CUX1: variants seen among roughly 807,000 people sequenced by gnomAD.
The protein encoded by CUX1 is cut like homeobox 1.
Under a neutral mutation model 158.8 loss-of-function variants are expected in CUX1, and 31 were observed. That is an observed-to-expected ratio of 0.20 (90% CI 0.15 to 0.26). CUX1 has a LOEUF of 0.26. Among genes scored for constraint, CUX1 ranks in the 10% least tolerant of loss-of-function variants. The pLI is 1.00. For missense variants in CUX1, 1,589 were observed against 2,014.6 expected, an observed-to-expected ratio of 0.79 and a Z score of 4.04; for synonymous variants, 879 against 862.1, an observed-to-expected ratio of 1.02 and a Z score of -0.34.
intron 1 of CUX1, among the ~76,000 whole-genome samples, chr7:101,864,900 G>A (rs1797790896): frequency 1.3e-5 from 2 of 152,068 alleles, no homozygotes; most frequent in Non-Finnish European, 2.9e-5. Flanking sequence ...TTTCAACTGG[G>A]GGTGCTTCAT....
intron 1 of CUX1, among the ~76,000 whole-genome samples, chr7:101,914,750 C>T (rs946640660): frequency 1.3e-5 from 2 of 152,182 alleles, no homozygotes; most frequent in East Asian, 1.9e-4. Context: ...CCACCCACCT[C>T]GGCCTCCCAA....
chr7:102,070,049 A>C (rs974086435), intron 3 of CUX1, among the ~76,000 whole-genome samples: 2 of 152,194 alleles, frequency 1.3e-5, no homozygotes, highest in East Asian at 3.8e-4. Flanking sequence ...CATTTGGAGA[A>C]GACAAAAGAC....
In CUX1 at chr7:102,256,201, G is replaced by A. The variant is rs1486623375; in HGVS notation, c.*7159G>A. 1.0e-6 allele frequency: 1 copy of A among 985,448 alleles called. No individual in the cohort carries two copies. The highest frequency in any genetic ancestry group is 1.1e-4 in the East Asian group (1 of 8,820). 61.0% of individuals were successfully genotyped at this position (985,448 alleles called of 1,614,324 possible). ...TCAGAAGCTGAGACCCTTCCCCAGT[G>A]TCTGAGGCCACAGCCATCCCTTCCA... On this transcript the variant is annotated 3_prime_UTR_variant, in exon 24 of 24. Transcript: ENST00000292535.
At position 101,914,671 on chromosome 7, in the gene CUX1, G is replaced by A. The variant is rs1563002632; in HGVS notation, c.31-1444G>A. On this transcript the variant is annotated intron_variant, in intron 1 of 23. Transcript: ENST00000292535. ...CCACCACCATGCCTGGCTAATTTTT[G>A]TATTTTTAGTACAGACAGGGTTTCT... 2.6e-5 allele frequency among the ~76,000 whole-genome samples: 4 copies of A among 151,802 alleles called. No individual in the cohort carries two copies. In the South Asian group the frequency reaches 8.3e-4, roughly 32 times the overall value.
intron 3 of CUX1, among the ~76,000 whole-genome samples, chr7:102,060,569 A>G (rs531831241): frequency 1.4e-3 from 203 of 143,712 alleles, no homozygotes; most frequent in African/African-American, 5.0e-3. Flanking sequence ...ATATACACAC[A>G]CACATATATA....
chr7:102,010,736 C>T lies in CUX1; in HGVS notation c.142-17362C>T, dbSNP rs558950982. On this transcript the variant is annotated intron_variant, in intron 2 of 23. Transcript: ENST00000292535. ...AGGAAACTCAGTGAAGGAGTTCTGCCGGCGGGCGTGAGGACCACGCTAAAA... is the reference window on the plus strand; with the variant it reads ...AGGAAACTCAGTGAAGGAGTTCTGCTGGCGGGCGTGAGGACCACGCTAAAA... 7.9e-5 allele frequency among the ~76,000 whole-genome samples: 12 copies of T among 152,264 alleles called. No homozygotes were observed. In the South Asian group the frequency reaches 8.3e-4, roughly 11 times the overall value.
At chr7:102,115,342 G>A in intron 8 of CUX1, 69 bp downstream of exon 8, 7 of 1,361,804 alleles carry the variant, frequency 5.1e-6, no homozygotes, top group Non-Finnish European at 7.2e-6. Context: ...AGTAGGGCAG[G>A]ATCGAGAAGG....
At chr7:102,095,340 CAT>C (rs1419913894) in intron 4 of CUX1, among the ~76,000 whole-genome samples, 1 of 152,080 alleles carries the variant, frequency 6.6e-6, no homozygotes, top group African/African-American at 2.4e-5. Flanking sequence ...TCAAATTTAA[CAT>C]AAATATTTTG....
At chr7:102,018,096 A>G (rs1047283414) in intron 2 of CUX1, among the ~76,000 whole-genome samples, 11 of 152,104 alleles carry the variant, frequency 7.2e-5, no homozygotes, top group African/African-American at 1.2e-4. Context: ...AGCTCGCACT[A>G]TAGGCACTTG....
rs374783479 is a variant in CUX1 at position 102,201,744 on chromosome 7, G to A, written c.2447G>A (p.Arg816His). 22 of 1,612,364 alleles carry A rather than the reference G, an allele frequency of 1.4e-5. No individual in the cohort carries two copies. Among genetic ancestry groups the A allele is most frequent in the African/African-American group, 8.0e-5 (6 of 74,934 alleles). The change falls in exon 18 of 24, where the codon CGC becomes CAC. Residue 816 changes from arginine to histidine, a missense_variant. By Grantham distance (29) the Arg-to-His change is conservative (BLOSUM62 0). Transcript: ENST00000292535. This position sits in a 1 kb window ranked among gnomAD's most constrained non-coding sequence, Gnocchi z 5.0. ...VLRQVKNEVGRSGAWKDHWWS... is the reference protein window; with the variant it reads ...VLRQVKNEVGHSGAWKDHWWS... ...AGACAGGTGAAAAATGAGGTGGGCC[G>A]CAGCGGTGCCTGGAAGGACCACTGG...
intron 2 of CUX1, chr7:101,932,698 C>A: frequency 2.3e-6 from 1 of 429,670 alleles, no homozygotes; most frequent in Non-Finnish European, 4.8e-6. Context: ...AAATCAACAA[C>A]CCACGAAAGG....
intron 2 of CUX1, among the ~76,000 whole-genome samples, chr7:102,004,899 A>T (rs1425431439): frequency 6.6e-6 from 1 of 152,262 alleles, no homozygotes; most frequent in African/African-American, 2.4e-5. Context: ...CAAAATCAGG[A>T]TATCATGTAG....
At chr7:101,970,629 C>T (rs933830701) in intron 2 of CUX1, among the ~76,000 whole-genome samples, 2 of 152,138 alleles carry the variant, frequency 1.3e-5, no homozygotes, top group African/African-American at 4.8e-5. Flanking sequence ...GATCTTGGCT[C>T]ACTGCAACCT....
At chr7:101,894,559 G>C (rs1199761940) in intron 1 of CUX1, among the ~76,000 whole-genome samples, 3 of 152,118 alleles carry the variant, frequency 2.0e-5, no homozygotes. Flanking sequence ...TGATCCACCC[G>C]CCTCGGCCTC....
At chr7:102,191,703 C>T (rs957768280) in intron 12 of CUX1, among the ~76,000 whole-genome samples, 2 of 152,108 alleles carry the variant, frequency 1.3e-5, no homozygotes, top group Admixed American at 1.3e-4. Flanking sequence ...TCTTCATTGT[C>T]GTCTTCGTTG....
Position 102,275,160 on chromosome 7 carries a change from C to T in CUX1, c.1451-87C>T, listed in dbSNP as rs189114026. 1.6e-3 allele frequency: 1,456 copies of T among 925,196 alleles called. 18 individuals carry two copies. In the African/African-American group the frequency reaches 0.021, roughly 13 times the overall value. 57.3% of individuals were successfully genotyped at this position (925,196 alleles called of 1,614,324 possible). On this transcript the variant is annotated intron_variant, in intron 16 of 22. Coordinates refer to the CUX1 transcript ENST00000292538. ...TACCCCATGGCATTTGGCAGAAATC[C>T]CCCAGGGCTGGGGGACCCACCCCAA...
intron 8 of CUX1, among the ~76,000 whole-genome samples, chr7:102,152,042 C>T (rs1835748622): frequency 6.6e-6 from 1 of 151,924 alleles, no homozygotes; most frequent in South Asian, 2.1e-4. Context: ...TCAACTTTGT[C>T]TCTACAAAAA....
chr7:101,990,987 C>T (rs1425295473), intron 2 of CUX1, among the ~76,000 whole-genome samples: 4 of 152,180 alleles, frequency 2.6e-5, no homozygotes, highest in Non-Finnish European at 5.9e-5. Flanking sequence ...CGCATCTTTA[C>T]GGAGTCTCAT....
At chr7:102,263,638 C>T (rs370422728) in intron 14 of CUX1, among the ~76,000 whole-genome samples, 3 of 151,400 alleles carry the variant, frequency 2.0e-5, no homozygotes, top group Non-Finnish European at 2.9e-5. Context: ...AGTTTTAAAT[C>T]GGGTGGTCAG....
Sources: allele counts gnomAD v4.1 joint callset (sites outside exome capture counted in the v4.1 genomes callset), GRCh38; gene constraint gnomAD v4.1.1; non-coding constraint Gnocchi (gnomAD v3.1); transcripts MANE v1.5; gene names NCBI Gene and HGNC (gene_info 2026-07-23, HGNC 2026-07-21).